The following KANK1 variants were observed in gnomAD, a reference collection of about 807,000 sequenced individuals.
KANK1 encodes the protein KN motif and ankyrin repeat domains 1.
Under a neutral mutation model 106.2 loss-of-function variants are expected in KANK1, and 109 were observed. The observed-to-expected ratio is 1.03, with a 90% CI of 0.88 to 1.20. The LOEUF (loss-of-function observed/expected upper bound fraction) is 1.20. Among genes scored for constraint, KANK1 ranks in the 50% most tolerant of loss-of-function variants. KANK1 has a pLI of 0.00. For missense variants in KANK1, 2,399 were observed against 1,710.7 expected (o/e 1.40, Z -7.10); for synonymous variants, 873 against 652.2 (o/e 1.34, Z -5.16).
At chr9:742,446 G>A (rs1835890133) in intron 10 of KANK1, 41 bp downstream of exon 10, 1 of 1,523,300 alleles carries the variant, frequency 6.6e-7, no homozygotes, top group Non-Finnish European at 9.0e-7. Context: ...GGGGTCTGGG[G>A]GACTCTGGAC....
At chr9:612,105 A>G (rs1318714860) in intron 1 of KANK1, among the ~76,000 whole-genome samples, 1 of 152,198 alleles carries the variant, frequency 6.6e-6, no homozygotes, top group Non-Finnish European at 1.5e-5. Flanking sequence ...ATGAACACAC[A>G]TATTACCCAT....
chr9:731,182 T>C lies in KANK1; in HGVS notation c.2921T>C (p.Leu974Pro), dbSNP rs1276947293. The C allele has an allele frequency of 1.9e-6, 3 of 1,610,360 alleles. No individual in the cohort carries two copies. The highest frequency in any genetic ancestry group is 2.5e-6 in the Non-Finnish European group (3 of 1,176,892). The change falls in exon 5 of 12, where the codon CTG (leucine) becomes CCG (proline). Residue 974 changes from leucine to proline, a missense_variant. Coordinates refer to ENST00000382297, the MANE Select transcript of KANK1 (RefSeq NM_015158.5). ...LYACTNNEST[L>P]KSIMKKKDGN... ...GCATGTACAAACAATGAAAGTACAC[T>C]GAAGTCCATCATGAAGAAGAAAGAT... is the stretch of plus-strand genomic sequence containing the variant.
rs775818908 is a variant in KANK1, at chr9:745,274, AGCT to A, written c.*43_*45del. The A allele has an allele frequency of 1.5e-5, 24 of 1,612,644 alleles. No homozygotes were observed. The highest frequency in any genetic ancestry group is 3.3e-4 in the Middle Eastern group (2 of 6,080). ...GCCCTTTATTTACATGCCACTATTAAGCTGCTAATTGTTCCTGTTGGGGTGACA... is the reference window on the plus strand; with the variant it reads ...GCCCTTTATTTACATGCCACTATTAAGCTAATTGTTCCTGTTGGGGTGACA... On this transcript the variant is annotated 3_prime_UTR_variant, in exon 12 of 12. Coordinates refer to ENST00000382297, the MANE Select transcript of KANK1 (RefSeq NM_015158.5).
intron 2 of KANK1, among the ~76,000 whole-genome samples, chr9:697,447 G>C (rs1252430062): frequency 1.3e-5 from 2 of 152,070 alleles, no homozygotes; most frequent in Non-Finnish European, 2.9e-5. Context: ...GGAGCTCCTG[G>C]CACATGACTT....
At chr9:647,300 G>A (rs1189485556) in intron 1 of KANK1, among the ~76,000 whole-genome samples, 7 of 150,690 alleles carry the variant, frequency 4.6e-5, no homozygotes, top group African/African-American at 1.2e-4. Flanking sequence ...ACTAAGTTCT[G>A]GGTAAGATAT....
rs144271472 is a variant in KANK1, at chr9:490,561, G to A, written c.-362+17288G>A. The stretch of plus-strand genomic sequence containing the variant: ...GCAAACATAGCAGTAAACATAAAAT[G>A]TTCATTTAAAAAATTATCTCCAGAA... On this transcript the variant is annotated intron_variant, in intron 3 of 15. Transcript: ENST00000382303. 1.7e-4 allele frequency among the ~76,000 whole-genome samples: 26 copies of A among 152,200 alleles called. No individual in the cohort carries two copies. The East Asian group carries it at 3.9e-3, about 23-fold the overall frequency.
intron 2 of KANK1, among the ~76,000 whole-genome samples, chr9:705,919 T>TAA (rs1824014754): frequency 6.6e-6 from 1 of 152,058 alleles, no homozygotes; most frequent in Non-Finnish European, 1.5e-5. Context: ...TTTTTTTAAT[T>TAA]AAGTTTTTTG....
At chr9:690,933 G>A (rs1050405085) in intron 2 of KANK1, among the ~76,000 whole-genome samples, 4 of 152,184 alleles carry the variant, frequency 2.6e-5, no homozygotes, top group Non-Finnish European at 5.9e-5. Flanking sequence ...CCTGTCAGAG[G>A]CCAAGCCTTG....
At chr9:742,435 AGGGGTCTGGGGGACTCTGGACG>A in intron 10 of KANK1, 30 bp downstream of exon 10, 1 of 1,580,480 alleles carries the variant, frequency 6.3e-7, no homozygotes, top group South Asian at 1.1e-5. Context: ...CCTCCTGGCC[AGGGGTCTGGGGGACTCTGGACG>A]GGAGCTCTGG....
At chr9:508,573 C>A (rs1440157408) in intron 1 of KANK1, among the ~76,000 whole-genome samples, 1 of 146,256 alleles carries the variant, frequency 6.8e-6, no homozygotes, top group Non-Finnish European at 1.5e-5. Flanking sequence ...CAATCACTGC[C>A]CCTCCCGAAG....
chr9:607,284 A>T (rs931628097), intron 1 of KANK1, among the ~76,000 whole-genome samples: 8 of 151,624 alleles, frequency 5.3e-5, no homozygotes, highest in African/African-American at 2.0e-4. Context: ...TCAGAAGTTC[A>T]AGACCAGCCT....
chr9:578,739 G>A (rs1292016099), intron 1 of KANK1, among the ~76,000 whole-genome samples: 1 of 152,120 alleles, frequency 6.6e-6, no homozygotes, highest in African/African-American at 2.4e-5. Context: ...AATTGTACTT[G>A]GATGTTTATG....
At chr9:600,826 A>T (rs180717711) in intron 1 of KANK1, among the ~76,000 whole-genome samples, 2 of 151,956 alleles carry the variant, frequency 1.3e-5, no homozygotes, top group East Asian at 3.9e-4. Flanking sequence ...TCCAAGAAAG[A>T]TGAGTTTGGG....
chr9:599,314 G>A (rs1231154914), intron 1 of KANK1, among the ~76,000 whole-genome samples: 1 of 151,318 alleles, frequency 6.6e-6, no homozygotes, highest in Non-Finnish European at 1.5e-5. Context: ...CACCACACCC[G>A]GCAAGAAATA....
chr9:720,432 A>C (rs1828997340), intron 3 of KANK1, among the ~76,000 whole-genome samples: 1 of 152,166 alleles, frequency 6.6e-6, no homozygotes, highest in African/African-American at 2.4e-5. Context: ...ATAGCCCCTA[A>C]CTGCCAAGCT....
At position 527,356 on chromosome 9, in the gene KANK1, C is replaced by A. The variant is rs185138267; in HGVS notation, c.-84+22602C>A. Among the ~76,000 whole-genome samples the A allele has an allele frequency of 2.8e-3, 424 of 151,880 alleles. 2 individuals carry two copies. Among genetic ancestry groups the A allele is most frequent in the Non-Finnish European group, 4.6e-3 (314 of 68,032 alleles). ...CACTCTTGTCGCCCTGGCTGGAGTGCAGTGGCGCGATCTTGGCTCGCGGCA... is the reference window on the plus strand; with the variant it reads ...CACTCTTGTCGCCCTGGCTGGAGTGAAGTGGCGCGATCTTGGCTCGCGGCA... On this transcript the variant is annotated intron_variant, in intron 1 of 11. Transcript: ENST00000382297.
At chr9:720,264 G>A (rs1247226678) in intron 3 of KANK1, among the ~76,000 whole-genome samples, 1 of 152,184 alleles carries the variant, frequency 6.6e-6, no homozygotes, top group Non-Finnish European at 1.5e-5. Flanking sequence ...TGTGAAAACC[G>A]TTGCCACCTG....
At chr9:714,774 A>G (rs533674658) in intron 3 of KANK1, among the ~76,000 whole-genome samples, 1 of 152,276 alleles carries the variant, frequency 6.6e-6, no homozygotes, top group African/African-American at 2.4e-5. Context: ...GGATGATTTT[A>G]TGGCTTACAG....
At chr9:726,570 C>T (rs1830709023) in intron 3 of KANK1, among the ~76,000 whole-genome samples, 1 of 151,694 alleles carries the variant, frequency 6.6e-6, no homozygotes, top group East Asian at 1.9e-4. Context: ...ACCGGGAAGG[C>T]GCAGGTTGCA....
Sources: gnomAD v4.1 joint callset for allele counts (sites outside exome capture counted in the v4.1 genomes callset) on GRCh38, gnomAD v4.1.1 for gene constraint, MANE v1.5 for transcripts, NCBI Gene and HGNC (gene_info 2026-07-23, HGNC 2026-07-21) for gene names.